The following GALNT13 variants were observed in gnomAD, a reference collection of about 807,000 sequenced individuals.
GALNT13 encodes the protein UDP-GalNAc:polypeptide N-acetylgalactosaminyltransferase 13.
A neutral mutation model predicts 64.2 loss-of-function variants in GALNT13; 28 were observed. The ratio of observed to expected loss-of-function variants is 0.44; its 90% CI spans 0.32 to 0.60. The LOEUF (loss-of-function observed/expected upper bound fraction) is 0.60, where lower values mean the gene tolerates loss of function less well. GALNT13 is among the 20% of genes least tolerant of loss of function. The pLI, the probability that GALNT13 is intolerant of heterozygous loss-of-function variation, is 0.05. For missense variants in GALNT13, 577 were observed against 669.8 expected, an observed-to-expected ratio of 0.86 and a Z score of 1.53; for synonymous variants, 214 against 224.6, an observed-to-expected ratio of 0.95 and a Z score of 0.42.
At position 154,140,435 on chromosome 2, in the gene GALNT13, A is replaced by C. The variant is rs764664726; in HGVS notation, c.241A>C (p.Asn81His). Residue 81 changes from asparagine (N) to histidine (H), a missense_variant, in exon 4 of 13, where the codon AAT (asparagine) becomes CAT (histidine). Coordinates refer to ENST00000392825, the MANE Select transcript of GALNT13 (RefSeq NM_052917.4). The part of the protein sequence containing the change: ...QEKMKELFKI[N>H]QFNLMASDLI... ...GAAAATGAAAGAGCTGTTTAAAATCAATCAGTTTAACCTTATGGCCAGTGA... is the reference window on the plus strand; with the variant it reads ...GAAAATGAAAGAGCTGTTTAAAATCCATCAGTTTAACCTTATGGCCAGTGA... 1 of 1,612,896 alleles carries C rather than the reference A, an allele frequency of 6.2e-7. No individual in the cohort carries two copies. The highest frequency in any genetic ancestry group is 1.7e-5 in the Admixed American group (1 of 59,954).
intron 10 of GALNT13, among the ~76,000 whole-genome samples, chr2:154,399,246 A>G (rs1436404408): frequency 6.6e-6 from 1 of 152,138 alleles, no homozygotes; most frequent in Non-Finnish European, 1.5e-5. Flanking sequence ...GTGAGAACCC[A>G]TCTCTATTTA....
intron 3 of GALNT13, among the ~76,000 whole-genome samples, chr2:154,013,242 G>A (rs1696765837): frequency 6.6e-6 from 1 of 151,630 alleles, no homozygotes; most frequent in Admixed American, 6.6e-5. Flanking sequence ...CTTCTTTGAA[G>A]CCCTTTGGTG....
chr2:153,556,756 C>A, the GALNT13 span, among the ~76,000 whole-genome samples: 1 of 152,164 alleles, frequency 6.6e-6, no homozygotes, highest in African/African-American at 2.4e-5. Context: ...TGTCTGGTCA[C>A]AAACACTCAA....
At chr2:154,023,939 C>G (rs972984526) in intron 3 of GALNT13, among the ~76,000 whole-genome samples, 8 of 152,136 alleles carry the variant, frequency 5.3e-5, no homozygotes, top group African/African-American at 9.7e-5. Flanking sequence ...TATTTTATTT[C>G]TCCTTCACTT....
chr2:153,700,558 G>C, the GALNT13 span, among the ~76,000 whole-genome samples: 1 of 152,202 alleles, frequency 6.6e-6, no homozygotes, highest in African/African-American at 2.4e-5. Flanking sequence ...AATTGTCTCT[G>C]TTTACAGATG....
chr2:153,961,098 A>G (rs1558876127), intron 3 of GALNT13, among the ~76,000 whole-genome samples: 1 of 152,190 alleles, frequency 6.6e-6, no homozygotes, highest in African/African-American at 2.4e-5. Flanking sequence ...TAAAAAAGTA[A>G]CTACTCAAAA....
chr2:153,790,936 C>A, the GALNT13 span, among the ~76,000 whole-genome samples: 1 of 151,972 alleles, frequency 6.6e-6, no homozygotes, highest in Non-Finnish European at 1.5e-5. Context: ...CAAAACACTG[C>A]TCAAAGAAAT....
intron 8 of GALNT13, among the ~76,000 whole-genome samples, chr2:154,295,532 A>G (rs1692874056): frequency 6.6e-6 from 1 of 151,374 alleles, no homozygotes; most frequent in Non-Finnish European, 1.5e-5. Context: ...TGCCCAGCTA[A>G]TTTTTTATTT....
chr2:154,106,515 A>C (rs577934191), intron 3 of GALNT13, among the ~76,000 whole-genome samples: 1 of 151,946 alleles, frequency 6.6e-6, no homozygotes, highest in Admixed American at 6.6e-5. Flanking sequence ...TTGGGGTTCT[A>C]TATTTCTTTC....
At chr2:153,580,346 CA>C in the GALNT13 span, among the ~76,000 whole-genome samples, 265 of 141,970 alleles carry the variant, frequency 1.9e-3, no homozygotes, top group Middle Eastern at 3.6e-3. Flanking sequence ...TCCATTTGAC[CA>C]AAAAAAAAAA....
At chr2:153,993,899 A>G (rs965046453) in intron 3 of GALNT13, among the ~76,000 whole-genome samples, 1 of 152,018 alleles carries the variant, frequency 6.6e-6, no homozygotes, top group Admixed American at 6.6e-5. Flanking sequence ...ATTCAACAGA[A>G]CACTTAATTG....
At chr2:153,797,109 C>T in the GALNT13 span, among the ~76,000 whole-genome samples, 2 of 152,160 alleles carry the variant, frequency 1.3e-5, no homozygotes, top group Non-Finnish European at 2.9e-5. Flanking sequence ...AAAGCTAGCA[C>T]TCAGGCCACA....
At chr2:153,883,302 C>T (rs1686908988) in intron 1 of GALNT13, among the ~76,000 whole-genome samples, 1 of 151,422 alleles carries the variant, frequency 6.6e-6, no homozygotes, top group Non-Finnish European at 1.5e-5. Flanking sequence ...AGTGAATCTC[C>T]ACGAAGCATG....
chr2:154,245,073 T>G (rs1456092084), intron 6 of GALNT13, among the ~76,000 whole-genome samples: 2 of 151,054 alleles, frequency 1.3e-5, no homozygotes, highest in Non-Finnish European at 2.9e-5. Flanking sequence ...CCCACTGCAC[T>G]CCAGCCTGGG....
chr2:153,515,287 C>G, the GALNT13 span, among the ~76,000 whole-genome samples: 1 of 152,178 alleles, frequency 6.6e-6, no homozygotes, highest in African/African-American at 2.4e-5. Context: ...GACCCCACCT[C>G]TCTGCCGTAG....
At chr2:153,115,976 A>G in the GALNT13 span, among the ~76,000 whole-genome samples, 1 of 152,112 alleles carries the variant, frequency 6.6e-6, no homozygotes, top group African/African-American at 2.4e-5. Context: ...GGCCAGTGGT[A>G]TTTTTTTAGA....
chr2:154,368,010 A>G (rs142778555), intron 9 of GALNT13, among the ~76,000 whole-genome samples: 1 of 152,304 alleles, frequency 6.6e-6, no homozygotes, highest in African/African-American at 2.4e-5. Context: ...GAAAACCAAA[A>G]CAGTGGATTA....
Position 153,940,598 on chromosome 2 carries a change from A to G in GALNT13, c.-104-3796A>G, listed in dbSNP as rs74362097. Among the ~76,000 whole-genome samples the G allele has an allele frequency of 4.8e-3, 734 of 152,180 alleles. 3 individuals carry two copies. The highest frequency in any genetic ancestry group is 0.037 in the Middle Eastern group (11 of 294). ...TCATACAAAGATCTGTTTTCCTATC[A>G]GTTAGACCTGAAGCTAATTTATGGT... On this transcript the variant is annotated intron_variant, in intron 2 of 12. Transcript: ENST00000392825.
chr2:153,404,096 G>T, the GALNT13 span, among the ~76,000 whole-genome samples: 5 of 152,218 alleles, frequency 3.3e-5, no homozygotes, highest in African/African-American at 1.2e-4. Flanking sequence ...GCTCATTGGT[G>T]TGTGGCAAAC....
Sources: gnomAD v4.1 joint callset for allele counts (sites outside exome capture counted in the v4.1 genomes callset) on GRCh38, gnomAD v4.1.1 for gene constraint, MANE v1.5 for transcripts, NCBI Gene and HGNC (gene_info 2026-07-23, HGNC 2026-07-21) for gene names.